The following GALNT17 variants were observed in gnomAD, a reference collection of about 807,000 sequenced individuals.
GALNT17 encodes the protein polypeptide N-acetylgalactosaminyltransferase 17.
Under a neutral mutation model 63.7 loss-of-function variants are expected in GALNT17, and 29 were observed. The ratio of observed to expected loss-of-function variants is 0.46; its 90% CI spans 0.34 to 0.62. The LOEUF (loss-of-function observed/expected upper bound fraction) is 0.62, where lower values mean the gene tolerates loss of function less well. Ranked by LOEUF, GALNT17 falls within the 20% of genes least tolerant of loss-of-function variation. The probability of loss-of-function intolerance (pLI) is 0.01; values close to 1 mark genes in which losing one functional copy is unlikely to be tolerated. For missense variants in GALNT17, 603 were observed against 799.6 expected (o/e 0.75, Z 2.97); for synonymous variants, 305 against 318.3 (o/e 0.96, Z 0.45).
At chr7:71,501,743 C>T (rs1403132514) in intron 5 of GALNT17, among the ~76,000 whole-genome samples, 2 of 152,160 alleles carry the variant, frequency 1.3e-5, no homozygotes, top group African/African-American at 4.8e-5. Context: ...GAAATGTTTA[C>T]AGTCATATAG....
intron 6 of GALNT17, among the ~76,000 whole-genome samples, chr7:71,644,658 G>C (rs1790651025): frequency 6.6e-6 from 1 of 151,958 alleles, no homozygotes; most frequent in Admixed American, 6.6e-5. Flanking sequence ...GGCTGAGACA[G>C]GAGGATTGCT....
At chr7:71,624,620 C>A (rs555454276) in intron 6 of GALNT17, among the ~76,000 whole-genome samples, 4 of 152,268 alleles carry the variant, frequency 2.6e-5, no homozygotes, top group African/African-American at 9.6e-5. Flanking sequence ...TGATGGATGA[C>A]CCCAAAGAGC....
intron 2 of GALNT17, among the ~76,000 whole-genome samples, chr7:71,338,155 G>A (rs935603774): frequency 1.3e-5 from 2 of 151,396 alleles, no homozygotes; most frequent in African/African-American, 4.9e-5. Context: ...GTAAAACCCC[G>A]TATCTACTAA....
intron 1 of GALNT17, among the ~76,000 whole-genome samples, chr7:71,274,630 T>A (rs1790651584): frequency 6.6e-6 from 1 of 152,144 alleles, no homozygotes; most frequent in Non-Finnish European, 1.5e-5. Flanking sequence ...CCTAAGACAT[T>A]GGTCTGGAAC....
At chr7:71,606,326 A>G (rs946135968) in intron 6 of GALNT17, among the ~76,000 whole-genome samples, 30 of 152,044 alleles carry the variant, frequency 2.0e-4, no homozygotes, top group Non-Finnish European at 3.1e-4. Context: ...AAAGTTACTC[A>G]CCCCATTCCG....
intron 4 of GALNT17, among the ~76,000 whole-genome samples, chr7:71,417,251 C>T (rs1444379381): frequency 6.6e-6 from 1 of 152,158 alleles, no homozygotes; most frequent in Non-Finnish European, 1.5e-5. Context: ...TTTGCAACAA[C>T]CTCTAGAATC....
intron 6 of GALNT17, among the ~76,000 whole-genome samples, chr7:71,585,175 C>T (rs74497033): frequency 0.028 from 4,190 of 152,216 alleles, 183 homozygotes; most frequent in African/African-American, 0.095. Flanking sequence ...ACACTTTAAG[C>T]TCTGCTATGA....
chr7:71,486,904 G>A (rs1009172613), intron 5 of GALNT17, among the ~76,000 whole-genome samples: 19 of 152,100 alleles, frequency 1.2e-4, no homozygotes, highest in African/African-American at 4.6e-4. Context: ...GCTCCTGCTG[G>A]TGGATTGTTG....
intron 5 of GALNT17, among the ~76,000 whole-genome samples, chr7:71,518,374 T>A (rs557852871): frequency 3.3e-5 from 5 of 152,304 alleles, no homozygotes; most frequent in African/African-American, 1.2e-4. Flanking sequence ...GGATCCAGGA[T>A]CTAATCTGAA....
intron 5 of GALNT17, among the ~76,000 whole-genome samples, chr7:71,438,769 C>A (rs527252077): frequency 1.2e-4 from 18 of 152,018 alleles, no homozygotes; most frequent in Non-Finnish European, 2.5e-4. Context: ...TAGCCCTTTT[C>A]TTTTTATTTG....
At chr7:71,225,078 C>G (rs1450530567) in intron 1 of GALNT17, among the ~76,000 whole-genome samples, 1 of 152,138 alleles carries the variant, frequency 6.6e-6, no homozygotes, top group South Asian at 2.1e-4. Flanking sequence ...AAGTGATTCT[C>G]TTGCCTCAGC....
chr7:71,516,537 T>C (rs1487396052), intron 5 of GALNT17, among the ~76,000 whole-genome samples: 2 of 152,174 alleles, frequency 1.3e-5, no homozygotes, highest in East Asian at 1.9e-4. Context: ...CTCTCCTGTC[T>C]CCTGGGTAGC....
At chr7:71,547,564 G>T (rs1233022452) in intron 5 of GALNT17, among the ~76,000 whole-genome samples, 1 of 152,118 alleles carries the variant, frequency 6.6e-6, no homozygotes. Flanking sequence ...TAGGATTACA[G>T]GTGTGAGGCA....
At chr7:71,517,268 G>A (rs1788460301) in intron 5 of GALNT17, among the ~76,000 whole-genome samples, 1 of 152,136 alleles carries the variant, frequency 6.6e-6, no homozygotes, top group Non-Finnish European at 1.5e-5. Flanking sequence ...GTGGGAAGAG[G>A]GAGGGCTCCA....
At chr7:71,357,537 A>G (rs1443108753) in intron 2 of GALNT17, among the ~76,000 whole-genome samples, 1 of 151,902 alleles carries the variant, frequency 6.6e-6, no homozygotes, top group African/African-American at 2.4e-5. Context: ...CCCATTCACC[A>G]CTCAGTGTTT....
intron 1 of GALNT17, among the ~76,000 whole-genome samples, chr7:71,181,820 T>A (rs1788740141): frequency 1.3e-5 from 2 of 151,282 alleles, no homozygotes; most frequent in Admixed American, 1.3e-4. Context: ...AAGGCTACAG[T>A]GATCTGTGAT....
chr7:71,405,891 C>T (rs1793319537), intron 3 of GALNT17, among the ~76,000 whole-genome samples: 1 of 152,210 alleles, frequency 6.6e-6, no homozygotes, highest in African/African-American at 2.4e-5. Context: ...GCACATAGCA[C>T]ACGCTCTGTG....
chr7:71,257,442 G>A (rs1790308931), intron 1 of GALNT17, among the ~76,000 whole-genome samples: 1 of 152,130 alleles, frequency 6.6e-6, no homozygotes, highest in Non-Finnish European at 1.5e-5. Context: ...TCCCAGCACA[G>A]CCAGCACTCC....
chr7:71,290,308 C>T (rs920413827), intron 1 of GALNT17, among the ~76,000 whole-genome samples: 4 of 152,144 alleles, frequency 2.6e-5, no homozygotes, highest in South Asian at 2.1e-4. Flanking sequence ...AGACATCTTT[C>T]GCTTTATGAC....
Sources: gnomAD v4.1 joint callset for allele counts (sites outside exome capture counted in the v4.1 genomes callset) on GRCh38, gnomAD v4.1.1 for gene constraint, MANE v1.5 for transcripts, NCBI Gene and HGNC (gene_info 2026-07-23, HGNC 2026-07-21) for gene names.